Variants in PRKAG2 observed in about 807,000 individuals in gnomAD.
The protein encoded by PRKAG2 is protein kinase AMP-activated non-catalytic subunit gamma 2.
In PRKAG2, 26 loss-of-function variants were observed where a neutral mutation model predicts 69.6. That is an observed-to-expected ratio of 0.37 (90% CI 0.27 to 0.52). The LOEUF is 0.52. Ranked by LOEUF, PRKAG2 falls within the 20% of genes least tolerant of loss-of-function variation. PRKAG2 has a pLI of 0.90. For missense variants in PRKAG2, 557 were observed against 740.0 expected, an observed-to-expected ratio of 0.75 and a Z score of 2.87; for synonymous variants, 293 against 285.0, an observed-to-expected ratio of 1.03 and a Z score of -0.28.
intron 1 of PRKAG2, among the ~76,000 whole-genome samples, chr7:151,865,370 A>G (rs571435862): frequency 1.1e-4 from 16 of 152,376 alleles, no homozygotes; most frequent in African/African-American, 3.8e-4. Context: ...CAACCACGAG[A>G]ACTTCCCAGC....
rs752757686 is a variant in PRKAG2 at position 151,719,263 on chromosome 7, C to T, written c.467-43626G>A. Among the ~76,000 whole-genome samples the T allele has an allele frequency of 1.3e-5, 2 of 152,180 alleles. No homozygotes were observed. The highest frequency in any genetic ancestry group is 2.9e-5 in the Non-Finnish European group (2 of 68,042). ...TCTGCAACATGCTTCCCGGCCCCGG[C>T]ACGCTCAGCCCTGGTCCAACTTATC... is the stretch of plus-strand genomic sequence containing the variant. On this transcript the variant is annotated intron_variant, in intron 3 of 15. Coordinates refer to ENST00000287878, the MANE Select transcript of PRKAG2 (RefSeq NM_016203.4). The surrounding 1 kb of genome is among the most constrained non-coding windows in gnomAD (Gnocchi z 5.2).
At chr7:151,600,303 T>C (rs548111412) in intron 5 of PRKAG2, among the ~76,000 whole-genome samples, 2 of 152,210 alleles carry the variant, frequency 1.3e-5, no homozygotes, top group African/African-American at 4.8e-5. Context: ...TTGGGAAATA[T>C]CTGAGAAGAA....
chr7:151,818,486 A>C (rs531604540), intron 1 of PRKAG2, among the ~76,000 whole-genome samples: 30 of 152,380 alleles, frequency 2.0e-4, no homozygotes, highest in African/African-American at 7.0e-4. Flanking sequence ...TGCACCCCAG[A>C]ACCCTGTGTC....
intron 3 of PRKAG2, among the ~76,000 whole-genome samples, chr7:151,703,408 G>A (rs1838041740): frequency 6.6e-6 from 1 of 152,150 alleles, no homozygotes; most frequent in Non-Finnish European, 1.5e-5. Flanking sequence ...TCTCCGCTGT[G>A]GCCGGAGCAC....
chr7:151,827,691 G>A (rs947728453), intron 1 of PRKAG2, among the ~76,000 whole-genome samples: 2 of 140,258 alleles, frequency 1.4e-5, no homozygotes, highest in Admixed American at 1.5e-4. Context: ...CTGGGTAGAG[G>A]CACAGCTTTT....
At chr7:151,720,967 G>A (rs540778514) in intron 3 of PRKAG2, among the ~76,000 whole-genome samples, 2 of 147,072 alleles carry the variant, frequency 1.4e-5, no homozygotes, top group African/African-American at 5.0e-5. Context: ...AGAAGGAACA[G>A]AAGGAGATGG....
chr7:151,854,263 T>TACACAC (rs1322735190), intron 1 of PRKAG2, among the ~76,000 whole-genome samples: 1 of 152,266 alleles, frequency 6.6e-6, no homozygotes, highest in Non-Finnish European at 1.5e-5. Flanking sequence ...CATCTCTATC[T>TACACAC]ACATGCATGC....
chr7:151,672,110 AT>A (rs113204731), intron 4 of PRKAG2, among the ~76,000 whole-genome samples: 44 of 145,870 alleles, frequency 3.0e-4, no homozygotes, highest in African/African-American at 9.2e-4. Context: ...CATTTGAACT[AT>A]TTTTTTTTGA....
chr7:151,859,134 G>C (rs1194804878), intron 1 of PRKAG2, among the ~76,000 whole-genome samples: 2 of 152,236 alleles, frequency 1.3e-5, no homozygotes, highest in Non-Finnish European at 1.5e-5. Flanking sequence ...AAAACAGGTC[G>C]CTGGGGCCTC....
chr7:151,733,125 C>T (rs908827039), intron 3 of PRKAG2, among the ~76,000 whole-genome samples: 1 of 152,226 alleles, frequency 6.6e-6, no homozygotes, highest in East Asian at 1.9e-4. Context: ...AGTGTATCCA[C>T]GCCCAACACT....
intron 1 of PRKAG2, among the ~76,000 whole-genome samples, chr7:151,838,066 C>T (rs1208590178): frequency 1.4e-4 from 21 of 152,212 alleles, no homozygotes; most frequent in Admixed American, 1.4e-3. Context: ...CGGGAACAGG[C>T]ACCAGCAGAG....
At chr7:151,853,769 A>C (rs1466676737) in intron 1 of PRKAG2, among the ~76,000 whole-genome samples, 1 of 151,988 alleles carries the variant, frequency 6.6e-6, no homozygotes, top group African/African-American at 2.4e-5. Flanking sequence ...CAAAAAAAAA[A>C]AAAAAAAAAG....
intron 3 of PRKAG2, among the ~76,000 whole-genome samples, chr7:151,778,139 C>A (rs575452463): frequency 6.6e-5 from 10 of 152,298 alleles, no homozygotes; most frequent in African/African-American, 2.4e-4. Flanking sequence ...CCCGTTTCCA[C>A]ACCACTGTGA....
intron 3 of PRKAG2, among the ~76,000 whole-genome samples, chr7:151,759,089 G>C (rs1205520268): frequency 6.6e-6 from 1 of 152,054 alleles, no homozygotes; most frequent in Non-Finnish European, 1.5e-5. Flanking sequence ...GACCTCTCCT[G>C]CAAGGCCCCG....
chr7:151,868,559 G>T (rs558051654), intron 1 of PRKAG2, among the ~76,000 whole-genome samples: 1 of 152,360 alleles, frequency 6.6e-6, no homozygotes, highest in South Asian at 2.1e-4. Context: ...CATTTTAAAC[G>T]ACGTTGACAG....
At chr7:151,671,171 C>CAAAAAA (rs11296795) in intron 4 of PRKAG2, among the ~76,000 whole-genome samples, 1 of 55,416 alleles carries the variant, frequency 1.8e-5, no homozygotes, top group Non-Finnish European at 3.1e-5. Flanking sequence ...TAGACTGTCT[C>CAAAAAA]AAAAAAAAAA....
chr7:151,847,002 G>C (rs934725389), intron 1 of PRKAG2, among the ~76,000 whole-genome samples: 1 of 152,232 alleles, frequency 6.6e-6, no homozygotes. Context: ...TGTTACTAAT[G>C]TAAGTGTGTA....
chr7:151,795,888 T>TAA (rs1239648234), intron 1 of PRKAG2, among the ~76,000 whole-genome samples: 18 of 105,464 alleles, frequency 1.7e-4, no homozygotes, highest in African/African-American at 5.9e-4. Context: ...TATATATATA[T>TAA]ATCACGATAA....
intron 5 of PRKAG2, among the ~76,000 whole-genome samples, chr7:151,624,405 C>A (rs1822352076): frequency 6.6e-6 from 1 of 152,068 alleles, no homozygotes. Context: ...TCCACCTTGG[C>A]CTCCCAAAGT....
Sources: gnomAD v4.1 joint callset for allele counts (sites outside exome capture counted in the v4.1 genomes callset) on GRCh38, gnomAD v4.1.1 for gene constraint, Gnocchi (gnomAD v3.1) non-coding constraint, MANE v1.5 for transcripts, NCBI Gene and HGNC (gene_info 2026-07-23, HGNC 2026-07-21) for gene names.